Variants in SNRPN observed in about 807,000 individuals in gnomAD.
SNRPN encodes the protein small nuclear ribonucleoprotein-associated protein N.
SNRPN carries 7 observed loss-of-function variants against 25.2 expected under a neutral mutation model. That is an observed-to-expected ratio of 0.28 (90% confidence interval 0.16 to 0.52). The LOEUF (loss-of-function observed/expected upper bound fraction) is 0.52. Among genes scored for constraint, SNRPN ranks in the 20% least tolerant of loss-of-function variants. SNRPN has a pLI of 0.96. For synonymous variants in SNRPN, 124 were observed against 110.6 expected (o/e 1.12, Z -0.76); for missense variants, 196 against 322.5 (o/e 0.61, Z 3.00).
At chr15:24,834,749 C>CTATATATATATATATA (rs1416978769) in intron 2 of SNRPN, among the ~76,000 whole-genome samples, 1 of 63,062 alleles carries the variant, frequency 1.6e-5, no homozygotes, top group Non-Finnish European at 3.1e-5. Context: ...CTCTCTCTCT[C>CTATATATATATATATA]TCTATATATA....
chr15:24,878,281 G>A (rs934611760), intron 1 of SNRPN, among the ~76,000 whole-genome samples: 6 of 152,134 alleles, frequency 3.9e-5, no homozygotes, highest in African/African-American at 1.2e-4. Context: ...CTACCCACAT[G>A]GCTATTACCG....
intron 2 of SNRPN, among the ~76,000 whole-genome samples, chr15:24,848,140 G>C (rs1057465564): frequency 1.3e-5 from 2 of 149,944 alleles, no homozygotes; most frequent in Non-Finnish European, 3.0e-5. Flanking sequence ...AGGGCGGCCC[G>C]CAGCAAATGC....
chr15:24,825,859 A>C (rs2050042800), intron 1 of SNRPN, among the ~76,000 whole-genome samples: 1 of 152,116 alleles, frequency 6.6e-6, no homozygotes, highest in African/African-American at 2.4e-5. Flanking sequence ...ACAATTATAA[A>C]GTTGGGAAAT....
intron 2 of SNRPN, among the ~76,000 whole-genome samples, chr15:24,844,117 TTGTG>T (rs2051971388): frequency 1.3e-5 from 2 of 150,254 alleles, no homozygotes; most frequent in Non-Finnish European, 1.5e-5. Context: ...CTCTGTGTGT[TTGTG>T]TGTGTCTGTA....
intron 2 of SNRPN, among the ~76,000 whole-genome samples, chr15:24,910,623 C>T (rs535152182): frequency 2.0e-3 from 300 of 152,082 alleles, no homozygotes; most frequent in African/African-American, 7.0e-3. Context: ...GCCTCCTGAG[C>T]AGCTGGGATT....
chr15:24,935,304 G>A (rs923667004), intron 3 of SNRPN, among the ~76,000 whole-genome samples: 6 of 151,866 alleles, frequency 4.0e-5, no homozygotes, highest in Non-Finnish European at 5.9e-5. Context: ...TTGTTTAATA[G>A]GTGAGATCAT....
At chr15:24,915,672 T>G (rs530509223) in intron 2 of SNRPN, among the ~76,000 whole-genome samples, 3 of 152,318 alleles carry the variant, frequency 2.0e-5, no homozygotes, top group African/African-American at 7.2e-5. Context: ...AGCATAAACT[T>G]GTATTTGTTG....
intron 2 of SNRPN, among the ~76,000 whole-genome samples, chr15:24,839,503 C>T (rs2051496998): frequency 6.6e-6 from 1 of 152,118 alleles, no homozygotes; most frequent in East Asian, 1.9e-4. Flanking sequence ...TCTAGTCACT[C>T]AATTGCCATT....
chr15:24,889,694 T>C (rs1295233797), intron 2 of SNRPN, among the ~76,000 whole-genome samples: 1 of 152,092 alleles, frequency 6.6e-6, no homozygotes, highest in Non-Finnish European at 1.5e-5. Context: ...ATTTCCTCCA[T>C]ACTGAATGTG....
intron 1 of SNRPN, among the ~76,000 whole-genome samples, chr15:24,876,604 G>A (rs1428337211): frequency 2.9e-5 from 4 of 140,036 alleles, no homozygotes; most frequent in South Asian, 2.3e-4. Context: ...GCCACAGAGC[G>A]AGACTCCATC....
At chr15:24,886,145 C>T (rs113734291) in intron 1 of SNRPN, among the ~76,000 whole-genome samples, 3,486 of 152,286 alleles carry the variant, frequency 0.023, 48 homozygotes, top group Middle Eastern at 0.065. Flanking sequence ...GTTAGTTTAG[C>T]AAGACCCCCA....
At chr15:24,852,685 G>A (rs1040397955), upstream of SNRPN, among the ~76,000 whole-genome samples, 1 of 152,204 alleles carries the variant, frequency 6.6e-6, no homozygotes, top group African/African-American at 2.4e-5. Flanking sequence ...GGGAGGTGAA[G>A]GTGGGCAGAT....
intron 1 of SNRPN, among the ~76,000 whole-genome samples, chr15:24,877,677 CACACACACACACACACACAA>C (rs923927731): frequency 4.7e-5 from 7 of 148,882 alleles, no homozygotes; most frequent in African/African-American, 1.7e-4. Context: ...CACACACACA[CACACACACACACACACACAA>C]ACACACTAGC....
intron 3 of SNRPN, among the ~76,000 whole-genome samples, chr15:24,939,428 A>T (rs1162755503): frequency 6.6e-6 from 1 of 151,250 alleles, no homozygotes; most frequent in Admixed American, 6.6e-5. Context: ...TTATGTATGT[A>T]TATATGTATG....
chr15:24,877,687 CACACACACAA>C (rs1179116900), intron 1 of SNRPN, among the ~76,000 whole-genome samples: 209 of 147,274 alleles, frequency 1.4e-3, no homozygotes, highest in Non-Finnish European at 2.8e-3. Flanking sequence ...CACACACACA[CACACACACAA>C]ACACACTAGC....
chr15:24,930,373 T>C (rs2060732769), intron 3 of SNRPN, among the ~76,000 whole-genome samples: 1 of 151,728 alleles, frequency 6.6e-6, no homozygotes, highest in African/African-American at 2.4e-5. Context: ...TGCATAGATA[T>C]TTTTTATTTT....
chr15:24,870,171 T>C (rs34412938), intron 1 of SNRPN, among the ~76,000 whole-genome samples: 12,615 of 152,150 alleles, frequency 0.083, 682 homozygotes, highest in African/African-American at 0.15. Flanking sequence ...TCCAGGCCAA[T>C]TGTGTTTATT....
intron 2 of SNRPN, 64 bp from the exon 3 acceptor site, chr15:24,967,868 C>A: frequency 6.5e-6 from 8 of 1,221,412 alleles, no homozygotes; most frequent in East Asian, 5.3e-5. Context: ...AGTTTTCTTT[C>A]ATATGGTTTC....
At chr15:24,920,187 C>A (rs1049444840) in intron 3 of SNRPN, 4 of 152,164 alleles carry the variant, frequency 2.6e-5, no homozygotes, top group Non-Finnish European at 4.4e-5. Context: ...CATGCACATC[C>A]TGTCTAGTCT....
Sources: gnomAD v4.1 joint callset for allele counts (sites outside exome capture counted in the v4.1 genomes callset) on GRCh38, gnomAD v4.1.1 for gene constraint, MANE v1.5 for transcripts, NCBI Gene and HGNC (gene_info 2026-07-23, HGNC 2026-07-21) for gene names.